The following PCOLCE2 variants were observed in gnomAD, a reference collection of about 807,000 sequenced individuals.
PCOLCE2 encodes procollagen C-proteinase enhancer 2.
A neutral mutation model predicts 47.0 loss-of-function variants in PCOLCE2; 42 were observed. The observed-to-expected ratio is 0.89, with a 90% confidence interval of 0.70 to 1.16. The LOEUF (loss-of-function observed/expected upper bound fraction) is 1.16. Among genes scored for constraint, PCOLCE2 ranks in the 50% most tolerant of loss-of-function variants. PCOLCE2 has a pLI of 0.00. For missense variants in PCOLCE2, 500 were observed against 526.1 expected (o/e 0.95, Z 0.49); for synonymous variants, 169 against 191.7 (o/e 0.88, Z 0.98).
intron 2 of PCOLCE2, among the ~76,000 whole-genome samples, chr3:142,874,363 C>T (rs761976408): frequency 2.0e-5 from 3 of 152,118 alleles, no homozygotes; most frequent in Admixed American, 6.5e-5. Flanking sequence ...CGTGAGCCAC[C>T]GCACCTGGCC....
chr3:142,819,098 G>A (rs2354173), intron 8 of PCOLCE2, among the ~76,000 whole-genome samples: 63 of 152,258 alleles, frequency 4.1e-4, no homozygotes, highest in Non-Finnish European at 7.6e-4. Flanking sequence ...TGTATGCTAC[G>A]CAAGCTTCTT....
chr3:142,819,887 C>T (rs1300540880), intron 8 of PCOLCE2, among the ~76,000 whole-genome samples: 1 of 152,112 alleles, frequency 6.6e-6, no homozygotes, highest in African/African-American at 2.4e-5. Flanking sequence ...TGAAGCAATC[C>T]TCCCATCTCA....
intron 2 of PCOLCE2, among the ~76,000 whole-genome samples, chr3:142,853,102 A>G (rs992179332): frequency 1.7e-5 from 2 of 118,384 alleles, no homozygotes; most frequent in African/African-American, 6.6e-5. Flanking sequence ...GACCCTGTTT[A>G]AAAAAAAAAA....
In PCOLCE2 at chr3:142,845,365, T is replaced by G. The variant is rs996089799; in HGVS notation, c.449-2317A>C. 4.6e-5 allele frequency among the ~76,000 whole-genome samples: 7 copies of G among 152,368 alleles called. No individual in the cohort carries two copies. The East Asian group carries it at 7.7e-4, about 17-fold the overall frequency. On this transcript the variant is annotated intron_variant, in intron 3 of 8. Transcript: ENST00000295992. ...TTGTCAAACATATTACATCATACAC[T>G]ATATATTCCACAACACAGTGCTAAG... is the stretch of plus-strand genomic sequence containing the variant.
intron 2 of PCOLCE2, among the ~76,000 whole-genome samples, chr3:142,856,481 C>T (rs930147905): frequency 6.6e-6 from 1 of 152,194 alleles, no homozygotes; most frequent in Non-Finnish European, 1.5e-5. Flanking sequence ...CAAATGCTGC[C>T]TAAGCATGAA....
In PCOLCE2 at chr3:142,843,041, C is replaced by T. The variant is rs757144606; in HGVS notation, c.456G>A (p.Gln152=). The change falls in exon 4 of 9, where the codon CAG becomes CAA. Residue 152 remains glutamine, a synonymous_variant. Transcript: ENST00000295992. ...SAAEPNERGD[Q]YCGGLLDRPS... ...GTCTGTCAAGGAGTCCTCCACAATA[C>T]TGATCCCCTTCAAGTATTAAACAAG... The T allele has an allele frequency of 4.1e-5, 66 of 1,613,702 alleles. 1 individual carries two copies. Among genetic ancestry groups the T allele is most frequent in the South Asian group, 3.4e-4 (31 of 91,006 alleles).
chr3:142,882,524 AT>A (rs1231540123), intron 2 of PCOLCE2, among the ~76,000 whole-genome samples: 1 of 152,114 alleles, frequency 6.6e-6, no homozygotes, highest in Non-Finnish European at 1.5e-5. Context: ...AAACCTAATG[AT>A]TTTTAACAAT....
intron 2 of PCOLCE2, among the ~76,000 whole-genome samples, chr3:142,854,060 C>T (rs1283425932): frequency 6.6e-6 from 1 of 152,162 alleles, no homozygotes; most frequent in Non-Finnish European, 1.5e-5. Flanking sequence ...TTTTAGGATA[C>T]TATGAGCAAA....
intron 2 of PCOLCE2, among the ~76,000 whole-genome samples, chr3:142,877,119 G>A (rs112224561): frequency 2.8e-4 from 42 of 152,274 alleles, no homozygotes; most frequent in Admixed American, 5.9e-4. Flanking sequence ...GGACTCCAAA[G>A]GTAAATTAAA....
chr3:142,825,493 A>T (rs1234688570), intron 6 of PCOLCE2, among the ~76,000 whole-genome samples: 1 of 151,936 alleles, frequency 6.6e-6, no homozygotes, highest in Non-Finnish European at 1.5e-5. Context: ...CCTCATCTTC[A>T]CCAGGGACTT....
chr3:142,842,902 T>C lies in PCOLCE2; in HGVS notation c.573+22A>G, dbSNP rs1165660359. 1 of 1,613,354 alleles carries C rather than the reference T, an allele frequency of 6.2e-7. No homozygotes were observed. The highest frequency in any genetic ancestry group is 1.3e-5 in the African/African-American group (1 of 74,894). The stretch of plus-strand genomic sequence containing the variant: ...GGCAATTCACACATGCATGCTTTCT[T>C]CACACTTCCAGGGAATCTCACCTGA... On this transcript the variant is annotated intron_variant, in intron 4 of 8. Transcript: ENST00000295992. The surrounding 1 kb of genome is among the most constrained non-coding windows in gnomAD (Gnocchi z 4.1).
rs1219566544 is a variant in PCOLCE2, at chr3:142,838,802, T to A, written c.678A>T (p.Arg226Ser). The change falls in exon 5 of 9, where the codon AGA (arginine) becomes AGT (serine). Residue 226 changes from arginine (R) to serine (S), a missense_variant. Arg to Ser is a moderately radical substitution (Grantham distance 110). Coordinates refer to ENST00000295992, the MANE Select transcript of PCOLCE2 (RefSeq NM_013363.4). The stretch of plus-strand genomic sequence containing the variant: ...GACTATCACCACAATACTTTCCAAT[T>A]CTTCTAGCATCGTTGACTTCCCCGC... The part of the protein sequence containing the change: ...FNGGEVNDAR[R>S]IGKYCGDSPP... The A allele has an allele frequency of 3.1e-6, 5 of 1,613,930 alleles. No homozygotes were observed. Among genetic ancestry groups the A allele is most frequent in the Non-Finnish European group, 4.2e-6 (5 of 1,179,880 alleles).
intron 2 of PCOLCE2, among the ~76,000 whole-genome samples, chr3:142,870,500 T>C (rs1933368460): frequency 6.6e-6 from 1 of 152,132 alleles, no homozygotes. Context: ...TTAGGAAGAC[T>C]CCAAACTCTC....
chr3:142,849,061 G>C (rs1937362368), intron 2 of PCOLCE2, among the ~76,000 whole-genome samples: 1 of 151,996 alleles, frequency 6.6e-6, no homozygotes, highest in Non-Finnish European at 1.5e-5. Flanking sequence ...GCTGAGGCAG[G>C]AGAATGGCGT....
chr3:142,831,787 T>C (rs779219607), intron 5 of PCOLCE2, among the ~76,000 whole-genome samples: 8 of 152,222 alleles, frequency 5.3e-5, no homozygotes, highest in Non-Finnish European at 8.8e-5. Context: ...TATAATTATA[T>C]GATCATTCAC....
chr3:142,877,912 T>C (rs1933532369), intron 2 of PCOLCE2, among the ~76,000 whole-genome samples: 1 of 152,222 alleles, frequency 6.6e-6, no homozygotes, highest in South Asian at 2.1e-4. Context: ...CTCTGGTAGG[T>C]ACTTTACAGT....
intron 5 of PCOLCE2, among the ~76,000 whole-genome samples, chr3:142,833,005 G>A (rs192114269): frequency 2.4e-4 from 37 of 152,226 alleles, no homozygotes; most frequent in Admixed American, 4.6e-4. Flanking sequence ...AATAGCCGCC[G>A]CCAGGGCTGC....
intron 2 of PCOLCE2, among the ~76,000 whole-genome samples, chr3:142,880,630 T>C (rs562422437): frequency 1.3e-5 from 2 of 152,372 alleles, no homozygotes; most frequent in South Asian, 2.1e-4. Flanking sequence ...TTTAATCTAC[T>C]AGTTCCTTCA....
chr3:142,823,033 G>T (rs1304334743), intron 7 of PCOLCE2, among the ~76,000 whole-genome samples: 1 of 152,130 alleles, frequency 6.6e-6, no homozygotes, highest in Non-Finnish European at 1.5e-5. Context: ...ACCTCCTCAG[G>T]TTCCAGTTTG....
Sources: gnomAD v4.1 joint callset for allele counts (sites outside exome capture counted in the v4.1 genomes callset) on GRCh38, gnomAD v4.1.1 for gene constraint, Gnocchi (gnomAD v3.1) non-coding constraint, MANE v1.5 for transcripts, NCBI Gene and HGNC (gene_info 2026-07-23, HGNC 2026-07-21) for gene names.